Variants in METTL15 observed in about 807,000 individuals in gnomAD.
METTL15 encodes the protein 12S rRNA N(4)-cytidine methyltransferase METTL15.
A neutral mutation model predicts 38.3 loss-of-function variants in METTL15; 34 were observed. The ratio of observed to expected loss-of-function variants is 0.89; its 90% CI spans 0.68 to 1.18. The LOEUF is 1.18. Among genes scored for constraint, METTL15 ranks in the 50% most tolerant of loss-of-function variants. METTL15 has a pLI of 0.00. For missense variants in METTL15, 438 were observed against 498.4 expected, an observed-to-expected ratio of 0.88 and a Z score of 1.15; for synonymous variants, 162 against 170.9, an observed-to-expected ratio of 0.95 and a Z score of 0.41.
chr11:28,177,762 G>T (rs1254191705), intron 3 of METTL15, among the ~76,000 whole-genome samples: 3 of 151,916 alleles, frequency 2.0e-5, no homozygotes, highest in Non-Finnish European at 4.4e-5. Flanking sequence ...AATTAGATCT[G>T]CTAGAGTTTT....
chr11:28,400,243 T>TC (rs1418880057), intron 5 of METTL15, among the ~76,000 whole-genome samples: 1 of 149,802 alleles, frequency 6.7e-6, no homozygotes, highest in Non-Finnish European at 1.5e-5. Flanking sequence ...CTTTTTTTTT[T>TC]CACTGTGGCA....
chr11:28,134,189 G>C (rs1383051565), intron 3 of METTL15, among the ~76,000 whole-genome samples: 1 of 152,174 alleles, frequency 6.6e-6, no homozygotes, highest in Non-Finnish European at 1.5e-5. Context: ...TAGCCACGTG[G>C]ACATTGAAGA....
At chr11:28,481,514 C>T (rs1851395208) in intron 6 of METTL15, among the ~76,000 whole-genome samples, 1 of 152,204 alleles carries the variant, frequency 6.6e-6, no homozygotes, top group South Asian at 2.1e-4. Context: ...GATTCAGTCT[C>T]CATCTCTGGG....
chr11:28,491,576 G>A (rs1333165743), intron 6 of METTL15, among the ~76,000 whole-genome samples: 1 of 152,096 alleles, frequency 6.6e-6, no homozygotes, highest in African/African-American at 2.4e-5. Flanking sequence ...TAGAGGGGCA[G>A]AATATGGCAG....
intron 6 of METTL15, among the ~76,000 whole-genome samples, chr11:28,310,066 A>T (rs900731246): frequency 2.5e-4 from 38 of 152,110 alleles, no homozygotes; most frequent in African/African-American, 9.2e-4. Flanking sequence ...AACTACTGAC[A>T]CCTGGTAAAG....
intron 5 of METTL15, among the ~76,000 whole-genome samples, chr11:28,406,693 T>C (rs1403869292): frequency 1.3e-5 from 2 of 152,158 alleles, no homozygotes; most frequent in Non-Finnish European, 2.9e-5. Flanking sequence ...TCTTGCGTGA[T>C]TGCCCTGGCC....
chr11:28,116,562 C>T (rs1361294910), intron 3 of METTL15, among the ~76,000 whole-genome samples: 1 of 152,128 alleles, frequency 6.6e-6, no homozygotes, highest in East Asian at 1.9e-4. Context: ...TTTTCTGAAA[C>T]TTTTTCATGT....
chr11:28,282,938 C>G (rs1269779001), intron 4 of METTL15, among the ~76,000 whole-genome samples: 1 of 152,128 alleles, frequency 6.6e-6, no homozygotes, highest in Non-Finnish European at 1.5e-5. Flanking sequence ...ATTAAGTGAT[C>G]CAGAGAGAAT....
intron 4 of METTL15, among the ~76,000 whole-genome samples, chr11:28,240,137 C>A (rs1211469079): frequency 6.6e-6 from 1 of 152,142 alleles, no homozygotes; most frequent in East Asian, 1.9e-4. Flanking sequence ...TGCAAATATT[C>A]TTTAAATAAA....
chr11:28,359,161 A>C (rs151322917), intron 4 of METTL15, among the ~76,000 whole-genome samples: 1 of 152,184 alleles, frequency 6.6e-6, no homozygotes, highest in East Asian at 1.9e-4. Flanking sequence ...TTTACCCCTC[A>C]CTTAGAAGTG....
At chr11:28,447,903 A>G (rs780523042) in intron 6 of METTL15, among the ~76,000 whole-genome samples, 79 of 152,270 alleles carry the variant, frequency 5.2e-4, no homozygotes, top group Non-Finnish European at 9.8e-4. Context: ...TCAGAGAAAA[A>G]GAGGGCAAAT....
chr11:28,257,268 C>A (rs761205835), intron 4 of METTL15, among the ~76,000 whole-genome samples: 1 of 152,094 alleles, frequency 6.6e-6, no homozygotes, highest in South Asian at 2.1e-4. Context: ...TATTGGAGCT[C>A]CATTGTATGT....
At chr11:28,246,326 T>C (rs988846598) in intron 4 of METTL15, among the ~76,000 whole-genome samples, 8 of 152,140 alleles carry the variant, frequency 5.3e-5, no homozygotes, top group Non-Finnish European at 1.0e-4. Context: ...TAAAAAATTA[T>C]TTATCCTTTT....
intron 4 of METTL15, among the ~76,000 whole-genome samples, chr11:28,266,795 A>T (rs1034788224): frequency 6.6e-6 from 1 of 152,136 alleles, no homozygotes; most frequent in Admixed American, 6.5e-5. Flanking sequence ...GCCATTAATG[A>T]TCCTTTCAAA....
intron 5 of METTL15, among the ~76,000 whole-genome samples, chr11:28,389,043 G>A (rs1367990251): frequency 6.6e-6 from 1 of 151,996 alleles, no homozygotes; most frequent in Non-Finnish European, 1.5e-5. Context: ...AGTATTCCAT[G>A]GGGTATACGT....
At chr11:28,396,267 T>C (rs1324591152) in intron 5 of METTL15, among the ~76,000 whole-genome samples, 1 of 152,064 alleles carries the variant, frequency 6.6e-6, no homozygotes, top group African/African-American at 2.4e-5. Context: ...GAGAAAGAAA[T>C]AAAGCGTATT....
intron 6 of METTL15, among the ~76,000 whole-genome samples, chr11:28,431,809 A>AAG (rs1850933653): frequency 1.8e-4 from 1 of 5,572 alleles, no homozygotes; most frequent in African/African-American, 2.6e-4. Flanking sequence ...AAAAAAAAAG[A>AAG]AAAAAAAAAA....
chr11:28,484,913 C>T (rs150846325), intron 6 of METTL15, among the ~76,000 whole-genome samples: 4 of 152,244 alleles, frequency 2.6e-5, no homozygotes, highest in Non-Finnish European at 5.9e-5. Context: ...TCACATGCCT[C>T]AGCTTAGAAC....
At chr11:28,285,079 C>T (rs1856200013) in intron 4 of METTL15, among the ~76,000 whole-genome samples, 1 of 152,240 alleles carries the variant, frequency 6.6e-6, no homozygotes, top group South Asian at 2.1e-4. Flanking sequence ...CTTGCACTTA[C>T]TCCGTCCTCC....
Sources: allele counts gnomAD v4.1 joint callset (sites outside exome capture counted in the v4.1 genomes callset), GRCh38; gene constraint gnomAD v4.1.1; transcripts MANE v1.5; gene names NCBI Gene and HGNC (gene_info 2026-07-23, HGNC 2026-07-21).